COX7A2L: variants seen among roughly 807,000 people sequenced by gnomAD.
COX7A2L encodes cytochrome c oxidase subunit 7A2-like, mitochondrial.
A neutral mutation model predicts 14.2 loss-of-function variants in COX7A2L; 18 were observed. The ratio of observed to expected loss-of-function variants is 1.27; its 90% confidence interval spans 0.88 to 1.88. COX7A2L has a LOEUF of 1.88. COX7A2L is among the 40% of genes most tolerant of loss of function. The pLI is 0.00. For missense variants in COX7A2L, 179 were observed against 138.8 expected (o/e 1.29, Z -1.46); for synonymous variants, 65 against 57.4 (o/e 1.13, Z -0.60).
rs746901784 is a variant in COX7A2L at position 42,338,492 on chromosome 2, T to C, written c.193-4623A>G. On this transcript the variant is annotated intron_variant, in intron 2 of 2. Transcript: ENST00000468711. This position sits in a 1 kb window ranked among gnomAD's most constrained non-coding sequence, Gnocchi z 4.4. ...AGATCTGTGTTGATGTGGCCTGCCATGTGCTGCCCGTGAACATCTCCTCAC... is the reference window on the plus strand; with the variant it reads ...AGATCTGTGTTGATGTGGCCTGCCACGTGCTGCCCGTGAACATCTCCTCAC... 2.0e-5 allele frequency among the ~76,000 whole-genome samples: 3 copies of C among 152,148 alleles called. No individual in the cohort carries two copies. Among genetic ancestry groups the C allele is most frequent in the Non-Finnish European group, 4.4e-5 (3 of 68,028 alleles).
chr2:42,367,738 G>GCA (rs1489088036), intron 1 of COX7A2L, among the ~76,000 whole-genome samples: 1 of 152,264 alleles, frequency 6.6e-6, no homozygotes, highest in African/African-American at 2.4e-5. Context: ...TTGCTGAAAA[G>GCA]CAATTCCAAA....
chr2:42,337,159 T>C (rs557283673), intron 2 of COX7A2L, among the ~76,000 whole-genome samples: 1 of 152,298 alleles, frequency 6.6e-6, no homozygotes, highest in Non-Finnish European at 1.5e-5. Flanking sequence ...CATCCACCCA[T>C]TGCTTAAATT....
At chr2:42,340,038 C>A (rs753444368) in intron 2 of COX7A2L, among the ~76,000 whole-genome samples, 1 of 152,170 alleles carries the variant, frequency 6.6e-6, no homozygotes, top group Admixed American at 6.5e-5. Flanking sequence ...CCTGTATATT[C>A]GGTCTCGAGT....
chr2:42,353,062 C>T (rs1443179650), intron 2 of COX7A2L, 150 bp downstream of exon 2: 12 of 934,778 alleles, frequency 1.3e-5, no homozygotes, highest in South Asian at 7.0e-5. Context: ...AAGTTCTATT[C>T]GTTTATGGCT....
chr2:42,353,109 G>C (rs1202893812), intron 2 of COX7A2L, 103 bp downstream of exon 2: 1 of 1,382,622 alleles, frequency 7.2e-7, no homozygotes, highest in East Asian at 2.3e-5. Flanking sequence ...TAAAGAAAAA[G>C]AAGGAGGGTG....
At chr2:42,340,021 G>A (rs1670369654) in intron 2 of COX7A2L, among the ~76,000 whole-genome samples, 1 of 152,118 alleles carries the variant, frequency 6.6e-6, no homozygotes, top group South Asian at 2.1e-4. Flanking sequence ...CCTGGTTTCT[G>A]CAGCCACCTG....
At chr2:42,360,296 T>C (rs1053539845) in intron 1 of COX7A2L, among the ~76,000 whole-genome samples, 3 of 152,184 alleles carry the variant, frequency 2.0e-5, no homozygotes, top group African/African-American at 7.2e-5. Flanking sequence ...TCATTTAATG[T>C]GTACTAACGC....
At chr2:42,356,904 C>T (rs977147183) in intron 1 of COX7A2L, among the ~76,000 whole-genome samples, 1 of 152,088 alleles carries the variant, frequency 6.6e-6, no homozygotes, top group Non-Finnish European at 1.5e-5. Flanking sequence ...CCAGCCTGGG[C>T]GACAGAGACT....
intron 1 of COX7A2L, among the ~76,000 whole-genome samples, chr2:42,360,647 A>C (rs989431785): frequency 6.6e-6 from 1 of 152,074 alleles, no homozygotes; most frequent in African/African-American, 2.4e-5. Context: ...GGTTTCTCTA[A>C]ACGCCTTTAT....
intron 1 of COX7A2L, among the ~76,000 whole-genome samples, chr2:42,367,313 T>C (rs991566605): frequency 6.6e-6 from 1 of 152,182 alleles, no homozygotes; most frequent in Non-Finnish European, 1.5e-5. Context: ...AATGATGTTC[T>C]AAATCAGAGG....
chr2:42,367,462 G>A lies in COX7A2L; in HGVS notation c.-688+1406C>T, dbSNP rs1048108250. Among the ~76,000 whole-genome samples the A allele has an allele frequency of 3.9e-5, 6 of 152,220 alleles. No homozygotes were observed. In the East Asian group the frequency reaches 9.6e-4, roughly 24 times the overall value. On this transcript the variant is annotated intron_variant, in intron 1 of 3. Coordinates refer to the COX7A2L transcript ENST00000378669. ...CTCCCGAGAAATGGACAGGTCTGTA[G>A]TCTAGGAAACAAAACCTATAAAGAA...
At chr2:42,352,691 C>G (rs1266953001) in intron 2 of COX7A2L, among the ~76,000 whole-genome samples, 2 of 152,148 alleles carry the variant, frequency 1.3e-5, no homozygotes, top group Admixed American at 1.3e-4. Flanking sequence ...TCACTAATTT[C>G]TCAATAATTT....
At chr2:42,343,239 C>T (rs1052353784) in intron 2 of COX7A2L, among the ~76,000 whole-genome samples, 1 of 152,188 alleles carries the variant, frequency 6.6e-6, no homozygotes, top group East Asian at 1.9e-4. Context: ...TCACAGAGAG[C>T]TCCCAGATCA....
intron 2 of COX7A2L, among the ~76,000 whole-genome samples, chr2:42,337,216 T>G (rs1327571421): frequency 2.0e-5 from 3 of 152,242 alleles, no homozygotes; most frequent in Non-Finnish European, 4.4e-5. Flanking sequence ...TAAAAAGTGA[T>G]GTTGCTACTT....
At chr2:42,366,942 A>C (rs1671175706) in intron 1 of COX7A2L, among the ~76,000 whole-genome samples, 1 of 152,230 alleles carries the variant, frequency 6.6e-6, no homozygotes, top group Non-Finnish European at 1.5e-5. Flanking sequence ...ACAGCCATCA[A>C]AGATAAGGAA....
Position 42,341,876 on chromosome 2 carries a change from T to G in COX7A2L, c.193-8007A>C, listed in dbSNP as rs534921524. ...ACTTTAATTATTCAGTCAGAATCAT[T>G]TCCTGGGAGCAAGTCTAGTCTCTGG... is the stretch of plus-strand genomic sequence containing the variant. On this transcript the variant is annotated intron_variant, in intron 2 of 2. Coordinates refer to the COX7A2L transcript ENST00000468711. Among the ~76,000 whole-genome samples, 3 of 152,336 alleles carry G rather than the reference T, an allele frequency of 2.0e-5. No homozygotes were observed. In the East Asian group the frequency reaches 5.8e-4, roughly 29 times the overall value.
At position 42,350,560 on chromosome 2, in the gene COX7A2L, TTTTTAAA is replaced by T. The variant is rs1670604139; in HGVS notation, c.*652_*658del. ...TAAATCAAAATTTAAAGCTATAACATTTTTAAAAGATAAAGGAGAATTTGTGGCACAG... is the reference window on the plus strand; with the variant it reads ...TAAATCAAAATTTAAAGCTATAACATAGATAAAGGAGAATTTGTGGCACAG... On this transcript the variant is annotated 3_prime_UTR_variant, in exon 3 of 3. Transcript: ENST00000234301. 1 of 152,170 alleles carries T rather than the reference TTTTTAAA, an allele frequency of 6.6e-6. No homozygotes were observed. The highest frequency in any genetic ancestry group is 1.5e-5 in the Non-Finnish European group (1 of 68,032). 9.4% of individuals were successfully genotyped at this position (152,170 alleles called of 1,614,324 possible). A position where few individuals can be genotyped will look rare whatever the true frequency, so the allele number is the denominator to read the frequency against.
Position 42,342,829 on chromosome 2 carries a change from G to C in COX7A2L, c.193-8960C>G, listed in dbSNP as rs1293963879. On this transcript the variant is annotated intron_variant, in intron 2 of 2. Coordinates refer to the COX7A2L transcript ENST00000468711. The surrounding 1 kb of genome is among the most constrained non-coding windows in gnomAD (Gnocchi z 4.9). The stretch of plus-strand genomic sequence containing the variant: ...CGGGTTTTGCAGCAGACTTCCCCTG[G>C]GAAGTCAGCTCCAGCAGTCTTGGGA... Among the ~76,000 whole-genome samples the C allele has an allele frequency of 6.6e-6, 1 of 152,090 alleles. No individual in the cohort carries two copies. The highest frequency in any genetic ancestry group is 1.5e-5 in the Non-Finnish European group (1 of 68,016).
At chr2:42,344,046 A>C (rs1344988922) in intron 2 of COX7A2L, among the ~76,000 whole-genome samples, 1 of 152,230 alleles carries the variant, frequency 6.6e-6, no homozygotes, top group African/African-American at 2.4e-5. Flanking sequence ...GGACAAGTGT[A>C]AAGTAGCCAT....
Sources: gnomAD v4.1 joint callset for allele counts (sites outside exome capture counted in the v4.1 genomes callset) on GRCh38, gnomAD v4.1.1 for gene constraint, Gnocchi (gnomAD v3.1) non-coding constraint, MANE v1.5 for transcripts, NCBI Gene and HGNC (gene_info 2026-07-23, HGNC 2026-07-21) for gene names.